The following PACRG variants were observed in gnomAD, a reference collection of about 807,000 sequenced individuals.
The protein encoded by PACRG is parkin coregulated, also known as parkin coregulated gene protein.
In PACRG, 29 loss-of-function variants were observed where a neutral mutation model predicts 29.7. The ratio of observed to expected loss-of-function variants is 0.98; its 90% CI spans 0.73 to 1.33. The LOEUF (loss-of-function observed/expected upper bound fraction) is 1.33. Among genes scored for constraint, PACRG ranks in the 40% most tolerant of loss-of-function variants. The pLI, the probability that PACRG is intolerant of heterozygous loss-of-function variation, is 0.00. For synonymous variants in PACRG, 116 were observed against 118.7 expected (o/e 0.98, Z 0.15); for missense variants, 279 against 316.2 (o/e 0.88, Z 0.89).
chr6:162,814,190 C>G lies in PACRG; in HGVS notation c.200C>G (p.Thr67Ser). 1 of 1,613,476 alleles carries G rather than the reference C, an allele frequency of 6.2e-7. No homozygotes were observed. The highest frequency in any genetic ancestry group is 8.5e-7 in the Non-Finnish European group (1 of 1,179,690). The change falls in exon 2 of 5, where the codon ACC becomes AGC. Residue 67 changes from threonine (T) to serine (S), a missense_variant. Physicochemically the swap from Thr to Ser is moderately conservative, Grantham distance 58. Transcript: ENST00000366888. The stretch of plus-strand genomic sequence containing the variant: ...GCAGGGGCATTTAAAGAAAGACCAA[C>G]CAAGCCCACAGCATTTCGAAAATTC... ...PAAGAFKERP[T>S]KPTAFRKFYE...
At position 162,853,349 on chromosome 6, in the gene PACRG, T is replaced by G. The variant is rs1190981965; in HGVS notation, c.291+39068T>G. On this transcript the variant is annotated intron_variant, in intron 2 of 4. Transcript: ENST00000366888. This position sits in a 1 kb window ranked among gnomAD's most constrained non-coding sequence, Gnocchi z 4.7. ...AGAAAATTCTGTCTTTTGCTTTTCT[T>G]TGCAATACCTGGTTGAACCACTGAC... Among the ~76,000 whole-genome samples the G allele has an allele frequency of 1.3e-5, 2 of 152,192 alleles. No homozygotes were observed. The highest frequency in any genetic ancestry group is 2.9e-5 in the Non-Finnish European group (2 of 68,040).
chr6:163,058,195 C>A lies in PACRG; in HGVS notation c.292-3955C>A, dbSNP rs374434633. On this transcript the variant is annotated intron_variant, in intron 2 of 4. Coordinates refer to ENST00000366888, the MANE Select transcript of PACRG (RefSeq NM_001080379.2). The stretch of plus-strand genomic sequence containing the variant: ...AAAAAGAATTTTCTTGACTCTTCAT[C>A]AATCAGAGTGGCAGCCTTCTAAGCA... Among the ~76,000 whole-genome samples, 15 of 152,276 alleles carry A rather than the reference C, an allele frequency of 9.9e-5. 1 individual carries two copies. The East Asian group carries it at 1.5e-3, about 16-fold the overall frequency.
At position 163,176,577 on chromosome 6, in the gene PACRG, A is replaced by G. The variant is rs191982965; in HGVS notation, c.613+87169A>G. Among the ~76,000 whole-genome samples, 45 of 152,218 alleles carry G rather than the reference A, an allele frequency of 3.0e-4. No individual in the cohort carries two copies. The East Asian group carries it at 8.7e-3, about 29-fold the overall frequency. ...GGGGGGAGGGAAAGACGAAGGCAAA[A>G]AAGGGGAGAAACTCAGACAAAATTC... On this transcript the variant is annotated intron_variant, in intron 4 of 4. Coordinates refer to ENST00000366888, the MANE Select transcript of PACRG (RefSeq NM_001080379.2).
chr6:163,114,819 C>T (rs970242604), intron 4 of PACRG, among the ~76,000 whole-genome samples: 10 of 147,588 alleles, frequency 6.8e-5, no homozygotes, highest in Admixed American at 2.0e-4. Context: ...CTATTGCATA[C>T]TAGAAATTTC....
At chr6:163,119,836 G>T (rs757183155) in intron 4 of PACRG, among the ~76,000 whole-genome samples, 4 of 152,020 alleles carry the variant, frequency 2.6e-5, no homozygotes, top group Non-Finnish European at 4.4e-5. Flanking sequence ...ATGTATTTTT[G>T]TTGTTGTTGT....
intron 4 of PACRG, among the ~76,000 whole-genome samples, chr6:163,291,264 C>T (rs1371048847): frequency 9.3e-5 from 12 of 128,414 alleles, no homozygotes; most frequent in African/African-American, 3.9e-4. Flanking sequence ...TGCAAGATGA[C>T]CCCTCTGCCC....
rs1247702499 is a variant in PACRG, at chr6:163,150,411, G to A, written c.613+61003G>A. On this transcript the variant is annotated intron_variant, in intron 4 of 4. Coordinates refer to ENST00000366888, the MANE Select transcript of PACRG (RefSeq NM_001080379.2). ...CCTCTACAGGCTTCTGTCCCTCTGG[G>A]ACCTTACCTTCCTGCTCCCTCGCCT... Among the ~76,000 whole-genome samples the A allele has an allele frequency of 2.0e-5, 3 of 152,232 alleles. No homozygotes were observed. The East Asian group carries it at 5.8e-4, about 30-fold the overall frequency.
chr6:162,811,265 G>A (rs775302119), intron 1 of PACRG, among the ~76,000 whole-genome samples: 8 of 152,204 alleles, frequency 5.3e-5, no homozygotes, highest in Non-Finnish European at 7.4e-5. Context: ...AGGAGAAACC[G>A]AAGACACAAA....
chr6:162,912,350 G>C (rs950929002), intron 2 of PACRG, among the ~76,000 whole-genome samples: 1 of 152,090 alleles, frequency 6.6e-6, no homozygotes. Context: ...TCTAAATCCA[G>C]TAGCAGAATC....
At chr6:163,138,425 C>A (rs1474772776) in intron 4 of PACRG, among the ~76,000 whole-genome samples, 1 of 152,190 alleles carries the variant, frequency 6.6e-6, no homozygotes, top group Non-Finnish European at 1.5e-5. Context: ...AGTCCCCAAC[C>A]TTTTTGGCAC....
intron 4 of PACRG, among the ~76,000 whole-genome samples, chr6:163,144,661 C>T (rs1207847810): frequency 2.0e-5 from 3 of 152,078 alleles, no homozygotes; most frequent in Non-Finnish European, 4.4e-5. Context: ...CCCAGCTACT[C>T]AGGAGGCTGA....
chr6:163,314,331 C>A (rs1194403838), intron 4 of PACRG, among the ~76,000 whole-genome samples: 1 of 152,230 alleles, frequency 6.6e-6, no homozygotes, highest in East Asian at 1.9e-4. Flanking sequence ...AGGAACTGAA[C>A]ACTTGGATTA....
At chr6:162,939,699 G>A (rs1212126284) in intron 2 of PACRG, among the ~76,000 whole-genome samples, 1 of 148,866 alleles carries the variant, frequency 6.7e-6, no homozygotes, top group East Asian at 2.0e-4. Flanking sequence ...GTGTGTGTGT[G>A]TGTCACTTAG....
At chr6:162,808,016 T>A (rs536658024) in intron 1 of PACRG, among the ~76,000 whole-genome samples, 1 of 152,220 alleles carries the variant, frequency 6.6e-6, no homozygotes, top group African/African-American at 2.4e-5. Flanking sequence ...TTTGCTATCA[T>A]TGAGACACCT....
intron 1 of PACRG, among the ~76,000 whole-genome samples, chr6:162,775,122 G>T (rs1428612187): frequency 6.6e-6 from 1 of 152,184 alleles, no homozygotes; most frequent in Non-Finnish European, 1.5e-5. Flanking sequence ...AGGCCCCAGA[G>T]AATTTGTTCT....
chr6:163,006,211 T>TATATATATATGTATATATATATATCCC (rs1295482774), intron 2 of PACRG, among the ~76,000 whole-genome samples: 2 of 52,430 alleles, frequency 3.8e-5, no homozygotes, highest in African/African-American at 1.3e-4. Flanking sequence ...ATATATCCCA[T>TATATATATATGTATATATATATATCCC]ATATATATAT....
At chr6:163,301,074 C>T (rs112795020) in intron 4 of PACRG, among the ~76,000 whole-genome samples, 2 of 150,090 alleles carry the variant, frequency 1.3e-5, no homozygotes, top group Non-Finnish European at 3.0e-5. Context: ...CGCTGCTTCC[C>T]GTGAGTTTAG....
intron 4 of PACRG, among the ~76,000 whole-genome samples, chr6:163,110,795 C>T (rs945334105): frequency 1.3e-5 from 2 of 152,198 alleles, no homozygotes; most frequent in African/African-American, 4.8e-5. Context: ...GTAAATGAAG[C>T]AAACACCGCC....
intron 4 of PACRG, among the ~76,000 whole-genome samples, chr6:163,214,768 T>C (rs74505221): frequency 0.025 from 3,826 of 152,216 alleles, 173 homozygotes; most frequent in African/African-American, 0.088. Context: ...AACTTTCTAG[T>C]TATTTCTCAT....
Sources: allele counts gnomAD v4.1 joint callset (sites outside exome capture counted in the v4.1 genomes callset), GRCh38; gene constraint gnomAD v4.1.1; non-coding constraint Gnocchi (gnomAD v3.1); transcripts MANE v1.5; gene names NCBI Gene and HGNC (gene_info 2026-07-23, HGNC 2026-07-21).